Variants in LDHB observed in about 807,000 individuals in gnomAD.
The protein encoded by LDHB is L-lactate dehydrogenase B chain.
In LDHB, 18 loss-of-function variants were observed where a neutral mutation model predicts 33.4. That is an observed-to-expected ratio of 0.54 (90% CI 0.37 to 0.80). The LOEUF is 0.80. LDHB is among the 30% of genes least tolerant of loss of function. LDHB has a pLI of 0.00. For synonymous variants in LDHB, 121 were observed against 140.6 expected (o/e 0.86, Z 0.98); for missense variants, 345 against 407.9 (o/e 0.85, Z 1.33).
intron 7 of LDHB, among the ~76,000 whole-genome samples, chr12:21,636,345 A>G (rs1938216096): frequency 7.4e-6 from 1 of 134,620 alleles, no homozygotes; most frequent in South Asian, 2.3e-4. Context: ...AAGAATTGCT[A>G]AAAAAAAAAA....
chr12:21,652,597 C>T (rs1938722896), intron 2 of LDHB, among the ~76,000 whole-genome samples: 2 of 151,992 alleles, frequency 1.3e-5, no homozygotes, highest in African/African-American at 4.8e-5. Flanking sequence ...GTTACCTAGT[C>T]TATTGAAACT....
At chr12:21,650,130 ACACACACACACACACACACACG>A (rs1938642850) in intron 2 of LDHB, among the ~76,000 whole-genome samples, 2 of 148,960 alleles carry the variant, frequency 1.3e-5, no homozygotes, top group African/African-American at 2.5e-5. Flanking sequence ...ACACACACAC[ACACACACACACACACACACACG>A]TCTCTCTCTC....
At chr12:21,643,871 A>G (rs1039377025) in intron 4 of LDHB, 64 bp downstream of exon 4, 28 of 1,287,800 alleles carry the variant, frequency 2.2e-5, no homozygotes, top group Admixed American at 1.3e-4. Context: ...GTCCAAAACA[A>G]TAACAACAGA....
chr12:21,654,476 A>T, intron 2 of LDHB, 67 bp downstream of exon 2: 1 of 1,462,188 alleles, frequency 6.8e-7, no homozygotes, highest in Non-Finnish European at 9.6e-7. Context: ...TAAAATTCCA[A>T]GGTGCCCAAA....
At chr12:21,653,933 T>C (rs551711167) in intron 2 of LDHB, among the ~76,000 whole-genome samples, 2 of 152,186 alleles carry the variant, frequency 1.3e-5, no homozygotes, top group South Asian at 4.1e-4. Flanking sequence ...CTGTGACCAC[T>C]TGAACCAGGG....
At position 21,638,445 on chromosome 12, in the gene LDHB, C is replaced by A. The variant is rs147896432; in HGVS notation, c.621G>T (p.Val207=). The A allele has an allele frequency of 5.4e-4, 867 of 1,606,148 alleles. 2 individuals are homozygous for A. The highest frequency in any genetic ancestry group is 2.9e-3 in the Admixed American group (171 of 59,740). ...SSVAVWSGVN[V]AGVSLQELNP... ...TCAATTCCTGGAGAGAAACACCTGC[C>A]ACATTCACACCACTCCACACAGCCA... The change falls in exon 6 of 8, where the codon GTG becomes GTT. Residue 207 remains valine, a synonymous_variant. Transcript: ENST00000350669.
intron 2 of LDHB, among the ~76,000 whole-genome samples, chr12:21,652,441 T>C (rs1305123031): frequency 6.6e-6 from 1 of 152,222 alleles, no homozygotes; most frequent in Non-Finnish European, 1.5e-5. Context: ...TAAAGTATTT[T>C]ATCTTTGAAC....
intron 2 of LDHB, among the ~76,000 whole-genome samples, chr12:21,652,669 T>C (rs990643121): frequency 1.3e-5 from 2 of 152,002 alleles, no homozygotes; most frequent in Non-Finnish European, 2.9e-5. Context: ...ACCTAGTCAA[T>C]TGAAACTAGC....
At position 21,643,941 on chromosome 12, in the gene LDHB, TG is replaced by T; in HGVS notation, c.414del (p.Asn139ThrfsTer13). 1 of 1,607,386 alleles carries T rather than the reference TG, an allele frequency of 6.2e-7. No individual in the cohort carries two copies. On this transcript the variant is annotated frameshift_variant, in exon 4 of 8. Coordinates refer to ENST00000350669, the MANE Select transcript of LDHB (RefSeq NM_002300.8). LOFTEE classifies it high-confidence loss of function. ...YSPDCIIIVV[S>X]NPVDILTYVT... ...TTAAAGTATACAATAATACCTGGGT[TG>T]GAAACCACAATTATGATGCAATCAG...
chr12:21,638,847 T>C (rs1340544001), intron 5 of LDHB, among the ~76,000 whole-genome samples: 1 of 151,948 alleles, frequency 6.6e-6, no homozygotes, highest in African/African-American at 2.4e-5. Context: ...TTTTCTAATA[T>C]ATGCTCCTTT....
chr12:21,642,161 A>G, intron 4 of LDHB, 36 bp from the exon 5 acceptor site: 1 of 1,521,252 alleles, frequency 6.6e-7, no homozygotes, highest in Non-Finnish European at 9.1e-7. Flanking sequence ...TAAGTAAACC[A>G]AAACCAACTT....
chr12:21,656,780 A>G (rs1938857996), intron 1 of LDHB, among the ~76,000 whole-genome samples: 3 of 152,216 alleles, frequency 2.0e-5, no homozygotes, highest in Admixed American at 1.3e-4. Context: ...TGCAGGCTGT[A>G]AGGAACAAGA....
chr12:21,648,854 T>A (rs2136976191), intron 2 of LDHB, among the ~76,000 whole-genome samples: 1 of 152,360 alleles, frequency 6.6e-6, no homozygotes, highest in South Asian at 2.1e-4. Context: ...AATGTGTCCT[T>A]AGCTCTGAGC....
intron 4 of LDHB, 41 bp from the exon 5 acceptor site, chr12:21,642,166 C>T (rs1175427488): frequency 6.8e-7 from 1 of 1,472,348 alleles, no homozygotes; most frequent in Non-Finnish European, 9.5e-7. Flanking sequence ...AAACCAAAAC[C>T]AACTTCAACT....
intron 5 of LDHB, 47 bp from the exon 6 acceptor site, chr12:21,638,517 T>C: frequency 7.8e-7 from 1 of 1,288,286 alleles, no homozygotes; most frequent in African/African-American, 1.5e-5. Context: ...TCTTACATTA[T>C]TTTAAAAAAT....
chr12:21,657,612 C>G (rs963432260), intron 1 of LDHB, 139 bp downstream of exon 1: 7 of 152,504 alleles, frequency 4.6e-5, no homozygotes, highest in African/African-American at 1.2e-4. Flanking sequence ...GGGCCCGCGG[C>G]CGGATGCTCA....
At chr12:21,636,963 G>C in intron 7 of LDHB, 108 bp downstream of exon 7, 2 of 997,980 alleles carry the variant, frequency 2.0e-6, no homozygotes. Context: ...TTGAGAGACA[G>C]AAATAACCTT....
In LDHB at chr12:21,643,934, C is replaced by A. The variant is rs759922014; in HGVS notation, c.421+1G>T. On this transcript the variant is annotated splice_donor_variant, in intron 4 of 7. Coordinates refer to ENST00000350669, the MANE Select transcript of LDHB (RefSeq NM_002300.8). LOFTEE classifies it high-confidence loss of function. ...CAGAGACTTAAAGTATACAATAATACCTGGGTTGGAAACCACAATTATGAT... is the reference window on the plus strand; with the variant it reads ...CAGAGACTTAAAGTATACAATAATAACTGGGTTGGAAACCACAATTATGAT... 1 of 1,599,470 alleles carries A rather than the reference C, an allele frequency of 6.3e-7. No individual in the cohort carries two copies. The highest frequency in any genetic ancestry group is 1.7e-5 in the Admixed American group (1 of 59,982).
intron 4 of LDHB, 31 bp downstream of exon 4, chr12:21,643,904 C>G: frequency 6.6e-7 from 1 of 1,516,424 alleles, no homozygotes; most frequent in East Asian, 2.3e-5. Flanking sequence ...CTGAACTTAA[C>G]AGAACAGAGA....
Sources: allele counts gnomAD v4.1 joint callset (sites outside exome capture counted in the v4.1 genomes callset), GRCh38; gene constraint gnomAD v4.1.1; transcripts MANE v1.5; gene names NCBI Gene and HGNC (gene_info 2026-07-23, HGNC 2026-07-21).